CFAP70: variants seen among roughly 807,000 people sequenced by gnomAD.
CFAP70 encodes cilia and flagella associated protein 70.
In CFAP70, 81 loss-of-function variants were observed where a neutral mutation model predicts 137.6. That is an observed-to-expected ratio of 0.59 (90% CI 0.49 to 0.71). CFAP70 has a LOEUF of 0.71. Among genes scored for constraint, CFAP70 ranks in the 30% least tolerant of loss-of-function variants. CFAP70 has a pLI of 0.00. For missense variants in CFAP70, 976 were observed against 1,226.7 expected, an observed-to-expected ratio of 0.80 and a Z score of 3.05; for synonymous variants, 382 against 423.6, an observed-to-expected ratio of 0.90 and a Z score of 1.20.
intron 26 of CFAP70, among the ~76,000 whole-genome samples, chr10:73,255,778 C>G (rs2044427403): frequency 6.6e-6 from 1 of 152,028 alleles, no homozygotes; most frequent in Admixed American, 6.5e-5. Flanking sequence ...ATCTCTTGAC[C>G]TTGTGATCTA....
intron 5 of CFAP70, among the ~76,000 whole-genome samples, 156 bp downstream of exon 6, chr10:73,344,909 T>C (rs956113461): frequency 6.6e-6 from 1 of 152,148 alleles, no homozygotes; most frequent in Non-Finnish European, 1.5e-5. Context: ...AAGATCTGTA[T>C]ATAAAATAGA....
At chr10:73,320,511 T>G (rs778269894) in intron 9 of CFAP70, among the ~76,000 whole-genome samples, 25 of 151,974 alleles carry the variant, frequency 1.6e-4, no homozygotes, top group Non-Finnish European at 2.9e-4. Flanking sequence ...ATTTTTTTTG[T>G]AGAGATAGGG....
intron 19 of CFAP70, among the ~76,000 whole-genome samples, chr10:73,289,723 TG>T (rs2048023393): frequency 6.6e-6 from 1 of 152,094 alleles, no homozygotes; most frequent in African/African-American, 2.4e-5. Context: ...GCAAGTTGAA[TG>T]GGGTAATTAC....
intron 11 of CFAP70, 63 bp from the exon 13 acceptor site, chr10:73,310,312 C>T: frequency 8.8e-7 from 1 of 1,133,824 alleles, no homozygotes; most frequent in South Asian, 1.4e-5. Flanking sequence ...AATTTAGTAA[C>T]ATAAGATGAT....
At chr10:73,288,013 T>C (rs999096819) in intron 19 of CFAP70, among the ~76,000 whole-genome samples, 1 of 152,118 alleles carries the variant, frequency 6.6e-6, no homozygotes, top group Non-Finnish European at 1.5e-5. Flanking sequence ...TTCTCCTGCC[T>C]CAGCCTCCTG....
chr10:73,323,031 G>A (rs763590202), exon 9 of CFAP70: 2 of 1,613,844 alleles, frequency 1.2e-6, no homozygotes, highest in Non-Finnish European at 1.7e-6. Context: ...TTCACACCTG[G>A]ATACAACAAT....
At position 73,274,294 on chromosome 10, in the gene CFAP70, G is replaced by A. The variant is rs529135536; in HGVS notation, c.2835+139C>T. The A allele has an allele frequency of 5.1e-6, 5 of 980,206 alleles. No homozygotes were observed. In the South Asian group the frequency reaches 7.5e-5, roughly 15 times the overall value. 60.7% of individuals were successfully genotyped at this position (980,206 alleles called of 1,614,324 possible). A position where few individuals can be genotyped will look rare whatever the true frequency, so the allele number is the denominator to read the frequency against. ...TTCCACTAATTACTGGTTGTCTGAT[G>A]TTGGGCAAGTCACTTTACCTTTGGA... On this transcript the variant is annotated intron_variant, in intron 23 of 26. Transcript: ENST00000310715.
Position 73,293,175 on chromosome 10 carries a change from T to A in CFAP70, c.1770+88A>T, listed in dbSNP as rs2048300125. The stretch of plus-strand genomic sequence containing the variant: ...TTCTATGTGTCTACCCTTTCACCAA[T>A]CAAGTTGGATTTTAAACAATCAAAA... On this transcript the variant is annotated intron_variant, in intron 16 of 26. Transcript: ENST00000310715. The A allele has an allele frequency of 2.8e-6, 4 of 1,422,742 alleles. No homozygotes were observed. In the East Asian group the frequency reaches 9.5e-5, roughly 34 times the overall value. The allele number at this position is 1,422,742 out of a possible 1,614,324, so 88.1% of individuals were successfully genotyped here.
intron 9 of CFAP70, among the ~76,000 whole-genome samples, chr10:73,321,354 G>A (rs1323372697): frequency 6.6e-6 from 1 of 152,100 alleles, no homozygotes; most frequent in Non-Finnish European, 1.5e-5. Flanking sequence ...GGAGAAAGAG[G>A]TTGCAGTAAG....
intron 21 of CFAP70, chr10:73,276,752 C>G (rs1685808982): frequency 6.6e-6 from 1 of 152,228 alleles, no homozygotes; most frequent in Non-Finnish European, 1.5e-5. Context: ...TGAGAGGAGG[C>G]TTCAATTCTT....
intron 20 of CFAP70, 87 bp from the exon 22 acceptor site, chr10:73,277,448 C>T: frequency 1.4e-6 from 2 of 1,454,388 alleles, no homozygotes; most frequent in Non-Finnish European, 1.9e-6. Flanking sequence ...GGTGCGGTGG[C>T]TCACGCCTGT....
chr10:73,332,090 C>A (rs1187931036), intron 7 of CFAP70, among the ~76,000 whole-genome samples: 1 of 152,126 alleles, frequency 6.6e-6, no homozygotes. Context: ...TTGAGAGAGA[C>A]AAGGAAAACA....
intron 19 of CFAP70, among the ~76,000 whole-genome samples, chr10:73,278,630 AT>A: frequency 6.6e-6 from 1 of 152,318 alleles, no homozygotes; most frequent in East Asian, 1.9e-4. Context: ...AAATCTTTTT[AT>A]TTAAACATTT....
At chr10:73,351,821 A>C (rs1028612069) in intron 3 of CFAP70, among the ~76,000 whole-genome samples, 3 of 152,208 alleles carry the variant, frequency 2.0e-5, no homozygotes, top group African/African-American at 7.2e-5. Flanking sequence ...TATTGTTATG[A>C]ATCTCTGGAT....
rs761200509 is a variant in CFAP70, at chr10:73,331,167, G to A, written c.777+10C>T. On this transcript the variant is annotated intron_variant, in intron 8 of 26. Transcript: ENST00000310715. ...TTCTTATATAAATATTTTTGAGGGGGCATATTTACCTTTTCAGTTTTGCCA... is the reference window on the plus strand; with the variant it reads ...TTCTTATATAAATATTTTTGAGGGGACATATTTACCTTTTCAGTTTTGCCA... The A allele has an allele frequency of 1.9e-6, 3 of 1,573,208 alleles. No individual in the cohort carries two copies. Among genetic ancestry groups the A allele is most frequent in the Non-Finnish European group, 2.6e-6 (3 of 1,146,362 alleles).
intron 19 of CFAP70, 140 bp from the exon 21 acceptor site, chr10:73,278,477 G>A: frequency 1.5e-6 from 1 of 677,134 alleles, no homozygotes; most frequent in East Asian, 2.8e-5. Context: ...TGGTAGACTT[G>A]TTTATATTTT....
intron 25 of CFAP70, among the ~76,000 whole-genome samples, chr10:73,262,727 T>A (rs1342536049): frequency 1.3e-5 from 2 of 152,196 alleles, no homozygotes; most frequent in African/African-American, 2.4e-5. Flanking sequence ...CTATCCTTTG[T>A]TACAGGTATC....
chr10:73,298,579 G>C (rs146152410), intron 14 of CFAP70, among the ~76,000 whole-genome samples: 26 of 152,210 alleles, frequency 1.7e-4, no homozygotes, highest in Non-Finnish European at 3.4e-4. Flanking sequence ...ATTTGAATGA[G>C]AGGCAAGAAG....
At chr10:73,260,754 T>C (rs1360085176) in intron 25 of CFAP70, among the ~76,000 whole-genome samples, 2 of 152,216 alleles carry the variant, frequency 1.3e-5, no homozygotes, top group African/African-American at 2.4e-5. Flanking sequence ...TGCCATAATA[T>C]TTTTGACATT....
Sources: allele counts gnomAD v4.1 joint callset (sites outside exome capture counted in the v4.1 genomes callset), GRCh38; gene constraint gnomAD v4.1.1; transcripts MANE v1.5; gene names NCBI Gene and HGNC (gene_info 2026-07-23, HGNC 2026-07-21).